Variants in ETFBKMT observed in about 807,000 individuals in gnomAD.
ETFBKMT encodes electron transfer flavoprotein beta subunit lysine methyltransferase.
In ETFBKMT, 13 loss-of-function variants were observed where a neutral mutation model predicts 18.3. That is an observed-to-expected ratio of 0.71 (90% CI 0.46 to 1.13). The LOEUF (loss-of-function observed/expected upper bound fraction) is 1.13, where lower values mean the gene tolerates loss of function less well. Ranked by LOEUF, ETFBKMT falls within the 50% of genes most tolerant of loss-of-function variation. ETFBKMT has a pLI of 0.00. For missense variants in ETFBKMT, 293 were observed against 306.2 expected, an observed-to-expected ratio of 0.96 and a Z score of 0.32; for synonymous variants, 84 against 107.9, an observed-to-expected ratio of 0.78 and a Z score of 1.37.
At chr12:31,660,021 G>A (rs985851999) in intron 1 of ETFBKMT, 2 of 150,148 alleles carry the variant, frequency 1.3e-5, no homozygotes, top group Non-Finnish European at 3.0e-5. Context: ...ACAAAAATTA[G>A]CCGGGCGTGG....
chr12:31,652,459 T>C (rs1951026222), intron 1 of ETFBKMT, among the ~76,000 whole-genome samples: 1 of 152,212 alleles, frequency 6.6e-6, no homozygotes, highest in Non-Finnish European at 1.5e-5. Context: ...CATAAATTTA[T>C]CATTTCTTTG....
intron 1 of ETFBKMT, among the ~76,000 whole-genome samples, chr12:31,650,626 CCT>C (rs1951008988): frequency 7.1e-6 from 1 of 140,642 alleles, no homozygotes; most frequent in African/African-American, 2.7e-5. Context: ...AATGACCTGA[CCT>C]TTTTTTTTTT....
chr12:31,660,202 G>T, intron 1 of ETFBKMT: 1 of 143,114 alleles, frequency 7.0e-6, no homozygotes, highest in African/African-American at 2.6e-5. Flanking sequence ...GGAAGCTAAT[G>T]TGTCAATATC....
Position 31,667,909 on chromosome 12 carries a change from G to A in ETFBKMT, c.708G>A (p.Val236=), listed in dbSNP as rs1329455413. 6.2e-7 allele frequency: 1 copy of A among 1,614,146 alleles called. No homozygotes were observed. The highest frequency in any genetic ancestry group is 1.7e-5 in the Admixed American group (1 of 60,014). ...GHSIQHHLHK[V]VEYSLLESTR... Reference sequence around the variant, plus strand: ...GCATTCAGCATCACCTGCACAAAGTGGTAGAATATTCACTTTTGGAGTCTA... The same window carrying A: ...GCATTCAGCATCACCTGCACAAAGTAGTAGAATATTCACTTTTGGAGTCTA... Residue 236 remains valine (V), a synonymous_variant, in exon 4 of 4, where the codon GTG becomes GTA. Coordinates refer to ENST00000357721, the MANE Select transcript of ETFBKMT (RefSeq NM_001135863.2).
chr12:31,648,368 T>G (rs1950984940), intron 1 of ETFBKMT, among the ~76,000 whole-genome samples: 1 of 150,200 alleles, frequency 6.7e-6, no homozygotes, highest in African/African-American at 2.5e-5. Flanking sequence ...TAGTTTTTTT[T>G]TTTTTTTTTT....
chr12:31,662,171 C>A lies in ETFBKMT; in HGVS notation c.218C>A (p.Thr73Asn), dbSNP rs139707287. ...CCTGAAATCCAGTTGCGGCTTTTGACCCCCAGATGCAAATTCTGGTGGGAG... is the reference window on the plus strand; with the variant it reads ...CCTGAAATCCAGTTGCGGCTTTTGAACCCCAGATGCAAATTCTGGTGGGAG... Reference protein sequence around the residue: ...LTPEIQLRLLTPRCKFWWERA... With the variant: ...LTPEIQLRLLNPRCKFWWERA... Residue 73 changes from threonine to asparagine, a missense_variant, in exon 2 of 4, where the codon ACC becomes AAC. By Grantham distance (65) the Thr-to-Asn change is moderately conservative (BLOSUM62 0). Transcript: ENST00000357721. 23 of 1,614,204 alleles carry A rather than the reference C, an allele frequency of 1.4e-5. No individual in the cohort carries two copies. The highest frequency in any genetic ancestry group is 1.9e-5 in the Non-Finnish European group (23 of 1,180,032).
Position 31,661,874 on chromosome 12 carries a change from A to T in ETFBKMT, c.-80A>T. On this transcript the variant is annotated 5_prime_UTR_variant, in exon 2 of 4. Transcript: ENST00000357721. ...GTTCCGGTTGAGATCAAGTTGGGAGACACACCCTTGTTCATTCTCCTTGAG... is the reference window on the plus strand; with the variant it reads ...GTTCCGGTTGAGATCAAGTTGGGAGTCACACCCTTGTTCATTCTCCTTGAG... 7.6e-7 allele frequency: 1 copy of T among 1,323,196 alleles called. No homozygotes were observed. The highest frequency in any genetic ancestry group is 1.1e-6 in the Non-Finnish European group (1 of 946,234). 82.0% of individuals were successfully genotyped at this position (1,323,196 alleles called of 1,614,324 possible). A position where few individuals can be genotyped will look rare whatever the true frequency, so the allele number is the denominator to read the frequency against.
upstream of ETFBKMT, among the ~76,000 whole-genome samples, chr12:31,657,349 T>C (rs1167934855): frequency 6.6e-6 from 1 of 152,202 alleles, no homozygotes; most frequent in Non-Finnish European, 1.5e-5. Context: ...TCCTTTCTAT[T>C]AAGACATTAC....
intron 1 of ETFBKMT, 95 bp downstream of exon 1, chr12:31,659,884 C>T (rs916025382): frequency 2.6e-5 from 4 of 151,178 alleles, no homozygotes; most frequent in Non-Finnish European, 4.4e-5. Flanking sequence ...CGTGGTGGCT[C>T]GCGCCTGTAA....
intron 1 of ETFBKMT, among the ~76,000 whole-genome samples, chr12:31,653,427 A>T (rs967142427): frequency 1.5e-5 from 2 of 137,332 alleles, no homozygotes. Context: ...TTCTAGTGTC[A>T]GTTGTCGGAT....
chr12:31,660,318 T>A (rs1177798983), intron 1 of ETFBKMT, among the ~76,000 whole-genome samples: 2 of 152,160 alleles, frequency 1.3e-5, no homozygotes, highest in African/African-American at 4.8e-5. Flanking sequence ...AGCCCCTCTG[T>A]TATTTTACAG....
At chr12:31,661,736 G>A in intron 1 of ETFBKMT, 105 bp from the exon 2 acceptor site, 1 of 500,604 alleles carries the variant, frequency 2.0e-6, no homozygotes, top group Non-Finnish European at 3.6e-6. Context: ...AGGGATTACA[G>A]GCGTGAGCCA....
At chr12:31,654,756 G>A (rs1314103419), upstream of ETFBKMT, among the ~76,000 whole-genome samples, 1 of 152,114 alleles carries the variant, frequency 6.6e-6, no homozygotes, top group Non-Finnish European at 1.5e-5. Flanking sequence ...AATGGTTGTG[G>A]TAGAAGGGAG....
chr12:31,652,515 C>T (rs910936711), intron 1 of ETFBKMT, among the ~76,000 whole-genome samples: 2 of 152,136 alleles, frequency 1.3e-5, no homozygotes, highest in Non-Finnish European at 1.5e-5. Flanking sequence ...TTCTTCAGGT[C>T]GTCGCCCCTT....
chr12:31,648,076 T>C (rs1329750016), intron 1 of ETFBKMT, among the ~76,000 whole-genome samples: 2 of 152,228 alleles, frequency 1.3e-5, no homozygotes, highest in Non-Finnish European at 1.5e-5. Context: ...TTAATGTTTA[T>C]AGTGGCATTA....
chr12:31,668,025 T>C lies in ETFBKMT; in HGVS notation c.*35T>C, dbSNP rs371064181. The stretch of plus-strand genomic sequence containing the variant: ...GTGCTTCCAAGTATGAATATAGTAA[T>C]GTTTGGATCTGACTCTAAAAGTTTT... On this transcript the variant is annotated 3_prime_UTR_variant, in exon 4 of 4. Transcript: ENST00000357721. 2.6e-6 allele frequency: 4 copies of C among 1,539,226 alleles called. No homozygotes were observed. The highest frequency in any genetic ancestry group is 3.5e-6 in the Non-Finnish European group (4 of 1,130,412).
At chr12:31,660,976 C>T (rs919307155) in intron 1 of ETFBKMT, 1 of 152,116 alleles carries the variant, frequency 6.6e-6, no homozygotes, top group African/African-American at 2.4e-5. Flanking sequence ...TATGAAAGAA[C>T]TTTAAAGGTA....
In ETFBKMT at chr12:31,667,918, T is replaced by C; in HGVS notation, c.717T>C (p.Tyr239=). 1 of 1,614,204 alleles carries C rather than the reference T, an allele frequency of 6.2e-7. No homozygotes were observed. Among genetic ancestry groups the C allele is most frequent in the South Asian group, 1.1e-5 (1 of 91,080 alleles). ...IQHHLHKVVE[Y]SLLESTRQEN... ...ATCACCTGCACAAAGTGGTAGAATA[T>C]TCACTTTTGGAGTCTACTAGGCAGG... Residue 239 remains tyrosine, a synonymous_variant, in exon 4 of 4, where the codon TAT becomes TAC. Transcript: ENST00000357721.
At chr12:31,666,946 C>T (rs574367333) in intron 3 of ETFBKMT, among the ~76,000 whole-genome samples, 5 of 151,606 alleles carry the variant, frequency 3.3e-5, no homozygotes, top group Admixed American at 2.0e-4. Flanking sequence ...CATGAGCCAC[C>T]GCGCCTGGCT....
Sources: gnomAD v4.1 joint callset for allele counts (sites outside exome capture counted in the v4.1 genomes callset) on GRCh38, gnomAD v4.1.1 for gene constraint, MANE v1.5 for transcripts, NCBI Gene and HGNC (gene_info 2026-07-23, HGNC 2026-07-21) for gene names.